Variants in SDR42E2 observed in about 807,000 individuals in gnomAD.
SDR42E2 encodes the protein putative short-chain dehydrogenase/reductase family 42E member 2.
SDR42E2 carries 20 observed loss-of-function variants against 10.5 expected under a neutral mutation model. The ratio of observed to expected loss-of-function variants is 1.90; its 90% CI spans 1.34 to 2.77. The LOEUF is 2.77. SDR42E2 is among the 30% of genes most tolerant of loss of function. The pLI is 0.00. For synonymous variants in SDR42E2, 72 were observed against 39.2 expected, an observed-to-expected ratio of 1.84 and a Z score of -3.12; for missense variants, 162 against 104.2, an observed-to-expected ratio of 1.55 and a Z score of -2.42.
chr16:22,170,642 G>T (rs1431934335), intron 5 of SDR42E2, among the ~76,000 whole-genome samples, 191 bp from the exon 6 acceptor site: 1 of 152,098 alleles, frequency 6.6e-6, no homozygotes, highest in Non-Finnish European at 1.5e-5. Flanking sequence ...TTAAGGGCAG[G>T]AGACTCTTCC....
At chr16:22,168,793 A>G (rs1255969626) in intron 4 of SDR42E2, among the ~76,000 whole-genome samples, 2 of 152,054 alleles carry the variant, frequency 1.3e-5, no homozygotes, top group Non-Finnish European at 1.5e-5. Flanking sequence ...GAATCATTCA[A>G]ACCCGGGAGG....
In SDR42E2 at chr16:22,182,248, G is replaced by A. The variant is rs1182460935; in HGVS notation, c.847G>A (p.Val283Ile). ...GTACTACATCAACGATGGGGAGAGC[G>A]TCAACCTCTTTGAGTGGATGGCCCC... Reference protein sequence around the residue: ...QAYYINDGESVNLFEWMAPLF... With the variant: ...QAYYINDGESINLFEWMAPLF... The change falls in exon 10 of 13, where the codon GTC (valine) becomes ATC (isoleucine). Residue 283 changes from valine (V) to isoleucine (I), a missense_variant. Coordinates refer to ENST00000602312, the MANE Select transcript of SDR42E2 (RefSeq NM_001394319.2). 4.2e-5 allele frequency: 17 copies of A among 401,656 alleles called. No individual in the cohort carries two copies. In the South Asian group the frequency reaches 5.0e-4, roughly 12 times the overall value. 24.9% of individuals were successfully genotyped at this position (401,656 alleles called of 1,614,324 possible).
chr16:22,182,593 C>T (rs1236368750), intron 10 of SDR42E2, among the ~76,000 whole-genome samples: 1 of 152,138 alleles, frequency 6.6e-6, no homozygotes, highest in Non-Finnish European at 1.5e-5. Flanking sequence ...AGTGATCCAC[C>T]CACCTCGACC....
At chr16:22,183,653 C>T (rs2046714144) in intron 10 of SDR42E2, among the ~76,000 whole-genome samples, 1 of 152,212 alleles carries the variant, frequency 6.6e-6, no homozygotes, top group Non-Finnish European at 1.5e-5. Flanking sequence ...TCACCTTATC[C>T]CATGCCAGCC....
At position 22,170,967 on chromosome 16, in the gene SDR42E2, G is replaced by C; in HGVS notation, c.513+16G>C. On this transcript the variant is annotated intron_variant, in intron 6 of 12. Transcript: ENST00000602312. ...ATTGGACGAGGTACCTGTCTTCCGG[G>C]AGAGGTGGGCAGGACCCGCGGGCCC... 1 of 702,970 alleles carries C rather than the reference G, an allele frequency of 1.4e-6. No homozygotes were observed. Among genetic ancestry groups the C allele is most frequent in the Non-Finnish European group, 2.6e-6 (1 of 384,968 alleles). The allele number at this position is 702,970 out of a possible 1,614,324, so 43.5% of individuals were successfully genotyped here.
rs1023611119 is a variant in SDR42E2, at chr16:22,184,263, G to T, written c.940+19G>T. ...CTGACAGGTAAGGAAAGGAGTGTGC[G>T]TAGTAAAGCCCTCCATGTGCCAGGT... On this transcript the variant is annotated intron_variant, in intron 11 of 12. Coordinates refer to ENST00000602312, the MANE Select transcript of SDR42E2 (RefSeq NM_001394319.2). 2 of 401,044 alleles carry T rather than the reference G, an allele frequency of 5.0e-6. No individual in the cohort carries two copies. Among genetic ancestry groups the T allele is most frequent in the Non-Finnish European group, 8.8e-6 (2 of 226,218 alleles). 24.8% of individuals were successfully genotyped at this position (401,044 alleles called of 1,614,324 possible). A position where few individuals can be genotyped will look rare whatever the true frequency, so the allele number is the denominator to read the frequency against.
chr16:22,166,840 A>C lies in SDR42E2; in HGVS notation c.241-64A>C. ...CCAGTTCTGAGACCAGGCAAGGTGC[A>C]GAGGTGTTATCTCTTGCCTTGGACT... On this transcript the variant is annotated intron_variant, in intron 3 of 12. Transcript: ENST00000602312. The C allele has an allele frequency of 1.7e-5, 9 of 535,496 alleles. 1 individual carries two copies. Among genetic ancestry groups the C allele is most frequent in the Middle Eastern group, 3.4e-4 (1 of 2,922 alleles). 33.2% of individuals were successfully genotyped at this position (535,496 alleles called of 1,614,324 possible).
At position 22,190,279 on chromosome 16, in the gene SDR42E2, G is replaced by T; in HGVS notation, c.1155G>T (p.Thr385=). ...CGACCCGGCGGCCCCGCGGCTCCAC[G>T]GCGCGGACCCTCCTGCGCCTGCTGC... is the stretch of plus-strand genomic sequence containing the variant. ...QSTTRRPRGS[T]ARTLLRLLLR... The change falls in exon 13 of 13, where the codon ACG becomes ACT. Residue 385 remains threonine (T), a synonymous_variant. Coordinates refer to ENST00000602312, the MANE Select transcript of SDR42E2 (RefSeq NM_001394319.2). The T allele has an allele frequency of 2.5e-6, 1 of 401,328 alleles. No individual in the cohort carries two copies. The highest frequency in any genetic ancestry group is 4.4e-6 in the Non-Finnish European group (1 of 226,370). 24.9% of individuals were successfully genotyped at this position (401,328 alleles called of 1,614,324 possible).
intron 11 of SDR42E2, among the ~76,000 whole-genome samples, chr16:22,185,517 C>T (rs2046730453): frequency 6.6e-6 from 1 of 152,166 alleles, no homozygotes; most frequent in South Asian, 2.1e-4. Flanking sequence ...TGCACAGTCA[C>T]CTGGGAGCTT....
chr16:22,163,064 C>T (rs529041999), intron 1 of SDR42E2, among the ~76,000 whole-genome samples: 1 of 152,274 alleles, frequency 6.6e-6, no homozygotes, highest in Non-Finnish European at 1.5e-5. Context: ...AATCTAGCCT[C>T]GCAAGGCATT....
intron 5 of SDR42E2, among the ~76,000 whole-genome samples, chr16:22,170,057 A>C (rs1339768833): frequency 6.6e-6 from 1 of 151,496 alleles, no homozygotes; most frequent in Non-Finnish European, 1.5e-5. Flanking sequence ...AATAAAATTT[A>C]AAAATAAATA....
intron 4 of SDR42E2, 139 bp from the exon 5 acceptor site, chr16:22,169,306 T>C: frequency 1.5e-6 from 1 of 653,300 alleles, no homozygotes; most frequent in Non-Finnish European, 2.8e-6. Flanking sequence ...GCACCCACAC[T>C]CCAGGTGGGC....
chr16:22,169,330 G>A (rs568888349), intron 4 of SDR42E2, 115 bp from the exon 5 acceptor site: 2 of 674,784 alleles, frequency 3.0e-6, no homozygotes, highest in Admixed American at 2.1e-5. Context: ...CGGGATCCCT[G>A]CCTCTGAACT....
chr16:22,166,955 T>C lies in SDR42E2; in HGVS notation c.292T>C (p.Cys98Arg). 2 of 702,088 alleles carry C rather than the reference T, an allele frequency of 2.8e-6. No homozygotes were observed. The highest frequency in any genetic ancestry group is 3.0e-5 in the South Asian group (2 of 67,520). The allele number at this position is 702,088 out of a possible 1,614,324, so 43.5% of individuals were successfully genotyped here. A position where few individuals can be genotyped will look rare whatever the true frequency, so the allele number is the denominator to read the frequency against. ...ALYRAFEGVDCVFHVASYGMS... is the reference protein window; with the variant it reads ...ALYRAFEGVDRVFHVASYGMS... ...GTACCGTGCCTTCGAAGGGGTGGAC[T>C]GTGTCTTCCACGTGGCTTCCTATGG... Residue 98 changes from cysteine to arginine, a missense_variant, in exon 4 of 13, where the codon TGT becomes CGT. By Grantham distance (180) the Cys-to-Arg change is radical. Transcript: ENST00000602312.
chr16:22,168,413 A>C (rs2046564566), intron 4 of SDR42E2, among the ~76,000 whole-genome samples: 1 of 151,750 alleles, frequency 6.6e-6, no homozygotes, highest in African/African-American at 2.4e-5. Context: ...TTACAGTTGC[A>C]CGCCACCACA....
intron 4 of SDR42E2, 139 bp downstream of exon 4, chr16:22,167,138 T>A (rs1567237161): frequency 2.1e-5 from 5 of 233,890 alleles, no homozygotes; most frequent in Non-Finnish European, 4.2e-5. Flanking sequence ...GCATCCTGCA[T>A]CCATGACACC....
chr16:22,166,125 GGGAGCTGGATCAGTACCTGGGGCA>G, intron 2 of SDR42E2, 101 bp from the exon 3 acceptor site: 1 of 469,742 alleles, frequency 2.1e-6, no homozygotes, highest in Non-Finnish European at 3.7e-6. Flanking sequence ...TACCTGGGCC[GGGAGCTGGATCAGTACCTGGGGCA>G]GGAGCTGGGT....
chr16:22,179,776 G>A (rs1007499455), intron 8 of SDR42E2, among the ~76,000 whole-genome samples: 2 of 146,010 alleles, frequency 1.4e-5, no homozygotes, highest in African/African-American at 5.2e-5. Context: ...TTGTGCCATT[G>A]CACTCCAGCC....
rs1195454992 is a variant in SDR42E2, at chr16:22,166,929, T to C, written c.266T>C (p.Leu89Pro). ...GCTGATGTCCGAGATGAAGAAGCCCTGTACCGTGCCTTCGAAGGGGTGGAC... is the reference window on the plus strand; with the variant it reads ...GCTGATGTCCGAGATGAAGAAGCCCCGTACCGTGCCTTCGAAGGGGTGGAC... ...IQADVRDEEA[L>P]YRAFEGVDCV... Residue 89 changes from leucine (L) to proline (P), a missense_variant, in exon 4 of 13, where the codon CTG becomes CCG. Leu to Pro is a moderately conservative substitution (Grantham distance 98). Coordinates refer to ENST00000602312, the MANE Select transcript of SDR42E2 (RefSeq NM_001394319.2). The C allele has an allele frequency of 1.4e-6, 1 of 699,956 alleles. No individual in the cohort carries two copies. Among genetic ancestry groups the C allele is most frequent in the Non-Finnish European group, 2.6e-6 (1 of 383,018 alleles). 43.4% of individuals were successfully genotyped at this position (699,956 alleles called of 1,614,324 possible). A position where few individuals can be genotyped will look rare whatever the true frequency, so the allele number is the denominator to read the frequency against.
Sources: gnomAD v4.1 joint callset for allele counts (sites outside exome capture counted in the v4.1 genomes callset) on GRCh38, gnomAD v4.1.1 for gene constraint, MANE v1.5 for transcripts, NCBI Gene and HGNC (gene_info 2026-07-23, HGNC 2026-07-21) for gene names.